Variants in SUPT3H observed in about 807,000 individuals in gnomAD.
SUPT3H encodes transcription initiation protein SPT3 homolog.
Under a neutral mutation model 44.3 loss-of-function variants are expected in SUPT3H, and 44 were observed. That is an observed-to-expected ratio of 0.99 (90% CI 0.78 to 1.28). The LOEUF (loss-of-function observed/expected upper bound fraction) is 1.28. SUPT3H is among the 50% of genes most tolerant of loss of function. The pLI is 0.00. For missense variants in SUPT3H, 380 were observed against 387.1 expected, an observed-to-expected ratio of 0.98 and a Z score of 0.15; for synonymous variants, 124 against 125.6, an observed-to-expected ratio of 0.99 and a Z score of 0.09.
intron 2 of SUPT3H, among the ~76,000 whole-genome samples, chr6:45,198,471 G>A (rs1036792889): frequency 1.3e-5 from 2 of 151,076 alleles, no homozygotes; most frequent in African/African-American, 2.4e-5. Context: ...TAAAATATTT[G>A]TTTTCTTAAT....
At chr6:44,952,942 A>T (rs12190513) in intron 9 of SUPT3H, among the ~76,000 whole-genome samples, 68,910 of 152,036 alleles carry the variant, frequency 0.45, 16,117 homozygotes, top group Admixed American at 0.55. Context: ...TATTTTGTGA[A>T]TAATAATGAT....
At chr6:45,256,755 A>G (rs1488501740) in intron 2 of SUPT3H, among the ~76,000 whole-genome samples, 2 of 152,198 alleles carry the variant, frequency 1.3e-5, no homozygotes, top group African/African-American at 4.8e-5. Context: ...ATGTTTTGGC[A>G]TATGTCAGTA....
intron 10 of SUPT3H, among the ~76,000 whole-genome samples, chr6:44,906,633 G>A (rs530804666): frequency 6.6e-6 from 1 of 152,144 alleles, no homozygotes; most frequent in South Asian, 2.1e-4. Flanking sequence ...ATGGTGGTGG[G>A]CCCCTATAAT....
At chr6:45,057,937 T>C (rs1791384320) in intron 3 of SUPT3H, among the ~76,000 whole-genome samples, 1 of 152,154 alleles carries the variant, frequency 6.6e-6, no homozygotes, top group Non-Finnish European at 1.5e-5. Flanking sequence ...AGAACTAACA[T>C]ATCAATGTGA....
chr6:45,123,240 C>T (rs9357471), intron 2 of SUPT3H, among the ~76,000 whole-genome samples: 49,011 of 152,016 alleles, frequency 0.32, 8,828 homozygotes, highest in East Asian at 0.57. Flanking sequence ...GTACATACCA[C>T]ACTGGTAAAT....
At chr6:45,170,314 C>T (rs751393747) in intron 2 of SUPT3H, among the ~76,000 whole-genome samples, 122 of 152,290 alleles carry the variant, frequency 8.0e-4, no homozygotes, top group South Asian at 1.0e-3. Flanking sequence ...CAATTAAAAA[C>T]TTTGAGCAGT....
At chr6:45,053,293 C>A (rs1790596669) in intron 3 of SUPT3H, among the ~76,000 whole-genome samples, 1 of 151,184 alleles carries the variant, frequency 6.6e-6, no homozygotes. Flanking sequence ...TCAAGAGATT[C>A]TCCTACCTGT....
chr6:45,294,460 G>C (rs1584759741), intron 2 of SUPT3H, among the ~76,000 whole-genome samples: 1 of 152,170 alleles, frequency 6.6e-6, no homozygotes, highest in African/African-American at 2.4e-5. Flanking sequence ...CTTCAGCACA[G>C]TACTGAAAGT....
At chr6:45,304,781 T>G (rs920730629) in intron 2 of SUPT3H, among the ~76,000 whole-genome samples, 7 of 152,162 alleles carry the variant, frequency 4.6e-5, no homozygotes, top group Non-Finnish European at 1.0e-4. Context: ...AAAAATATCT[T>G]AGAAAATGCA....
intron 6 of SUPT3H, among the ~76,000 whole-genome samples, chr6:44,999,597 C>T (rs1454888827): frequency 6.6e-6 from 1 of 151,996 alleles, no homozygotes; most frequent in African/African-American, 2.4e-5. Context: ...GATTTTAAGA[C>T]TATTGCTCAT....
chr6:45,050,081 T>C (rs1167628462), intron 3 of SUPT3H, among the ~76,000 whole-genome samples: 1 of 152,162 alleles, frequency 6.6e-6, no homozygotes, highest in Non-Finnish European at 1.5e-5. Context: ...GTACTCCAAG[T>C]ATGGCAAGTC....
chr6:44,851,110 T>C (rs1385857228), intron 10 of SUPT3H, among the ~76,000 whole-genome samples: 1 of 152,180 alleles, frequency 6.6e-6, no homozygotes, highest in Non-Finnish European at 1.5e-5. Flanking sequence ...GATTTTTCTA[T>C]GTGTAGAGAC....
intron 2 of SUPT3H, among the ~76,000 whole-genome samples, chr6:45,207,178 T>C (rs1031471569): frequency 1.3e-5 from 2 of 151,948 alleles, no homozygotes; most frequent in Admixed American, 6.6e-5. Context: ...CCTAAATAAA[T>C]AAAAATAAAC....
At chr6:44,973,135 T>A (rs186753808) in intron 6 of SUPT3H, among the ~76,000 whole-genome samples, 310 of 152,352 alleles carry the variant, frequency 2.0e-3, no homozygotes, top group African/African-American at 6.7e-3. Flanking sequence ...CTTTTAAACA[T>A]AAGTTCCAAT....
At chr6:45,138,949 T>G (rs1804746978) in intron 2 of SUPT3H, among the ~76,000 whole-genome samples, 1 of 152,174 alleles carries the variant, frequency 6.6e-6, no homozygotes, top group Non-Finnish European at 1.5e-5. Context: ...AAGTCTAGTG[T>G]CAGAGAATAG....
At chr6:45,242,685 T>C (rs1171913608) in intron 2 of SUPT3H, among the ~76,000 whole-genome samples, 1 of 152,202 alleles carries the variant, frequency 6.6e-6, no homozygotes, top group East Asian at 1.9e-4. Context: ...AACTAATCTA[T>C]AATTAAATTG....
Position 44,932,642 on chromosome 6 carries a change from T to C in SUPT3H, c.912+11A>G. 1 of 1,576,820 alleles carries C rather than the reference T, an allele frequency of 6.3e-7. No individual in the cohort carries two copies. Among genetic ancestry groups the C allele is most frequent in the Non-Finnish European group, 8.7e-7 (1 of 1,154,170 alleles). On this transcript the variant is annotated intron_variant, in intron 10 of 10. Transcript: ENST00000371459. ...ATAAATATAACTTTTTATAACTCTGTTATTACGTACTGTGAATGGGGAAAG... is the reference window on the plus strand; with the variant it reads ...ATAAATATAACTTTTTATAACTCTGCTATTACGTACTGTGAATGGGGAAAG...
At chr6:45,267,258 G>A (rs1363510312) in intron 2 of SUPT3H, among the ~76,000 whole-genome samples, 3 of 152,096 alleles carry the variant, frequency 2.0e-5, no homozygotes, top group Admixed American at 1.3e-4. Flanking sequence ...TAGAGAATAC[G>A]CATTTTAAGA....
intron 2 of SUPT3H, among the ~76,000 whole-genome samples, chr6:45,131,156 TA>T (rs1231291114): frequency 2.6e-5 from 4 of 152,156 alleles, no homozygotes; most frequent in African/African-American, 9.7e-5. Flanking sequence ...TCCTCAGATG[TA>T]AATATGGAAT....
Sources: gnomAD v4.1 joint callset for allele counts (sites outside exome capture counted in the v4.1 genomes callset) on GRCh38, gnomAD v4.1.1 for gene constraint, MANE v1.5 for transcripts, NCBI Gene and HGNC (gene_info 2026-07-23, HGNC 2026-07-21) for gene names.